The following POC1B variants were observed in gnomAD, a reference collection of about 807,000 sequenced individuals.
The protein encoded by POC1B is POC1 centriolar protein homolog B.
POC1B carries 44 observed loss-of-function variants against 60.6 expected under a neutral mutation model. The observed-to-expected ratio is 0.73, with a 90% CI of 0.57 to 0.93. The LOEUF is 0.93. Ranked by LOEUF, POC1B falls within the 40% of genes least tolerant of loss-of-function variation. The pLI is 0.00. For synonymous variants in POC1B, 180 were observed against 198.9 expected, an observed-to-expected ratio of 0.90 and a Z score of 0.80; for missense variants, 555 against 572.3, an observed-to-expected ratio of 0.97 and a Z score of 0.31.
intron 10 of POC1B, among the ~76,000 whole-genome samples, chr12:89,443,956 T>A (rs1439515501): frequency 1.3e-5 from 2 of 151,962 alleles, no homozygotes; most frequent in Middle Eastern, 3.4e-3. Flanking sequence ...CAAACTACCA[T>A]CAGAAAATAA....
intron 2 of POC1B, chr12:89,524,223 C>T (rs904742193): frequency 1.9e-6 from 3 of 1,613,826 alleles, no homozygotes; most frequent in African/African-American, 1.3e-5. Flanking sequence ...GCAGGGAAAT[C>T]CTGTCACTGA....
At chr12:89,500,898 T>C in intron 2 of POC1B, 1 of 1,037,934 alleles carries the variant, frequency 9.6e-7, no homozygotes. Flanking sequence ...TTCAACATTG[T>C]TTTTAGAAAC....
chr12:89,404,742 C>T, the POC1B span, among the ~76,000 whole-genome samples: 1 of 152,126 alleles, frequency 6.6e-6, no homozygotes, highest in East Asian at 1.9e-4. Context: ...TCACATATAT[C>T]CTTCTAAAAA....
Position 89,454,653 on chromosome 12 carries a change from C to T in POC1B, c.1113+4985G>A, listed in dbSNP as rs79019736. Reference sequence around the variant, plus strand: ...CTTTACTCAAATGCCACCCCTGTCACGTGACTCTTGTCCTGGCCATACTAG... The same window carrying T: ...CTTTACTCAAATGCCACCCCTGTCATGTGACTCTTGTCCTGGCCATACTAG... On this transcript the variant is annotated intron_variant, in intron 10 of 11. Transcript: ENST00000313546. Among the ~76,000 whole-genome samples, 1,116 of 152,288 alleles carry T rather than the reference C, an allele frequency of 7.3e-3. 13 individuals carry two copies. The highest frequency in any genetic ancestry group is 0.025 in the African/African-American group (1,030 of 41,546).
At position 89,496,110 on chromosome 12, in the gene POC1B, C is replaced by T. The variant is rs542770753; in HGVS notation, c.272+1061G>A. 4.6e-5 allele frequency among the ~76,000 whole-genome samples: 7 copies of T among 152,110 alleles called. No homozygotes were observed. The South Asian group carries it at 1.5e-3, about 32-fold the overall frequency. Reference sequence around the variant, plus strand: ...CACTATAATGTAGAATCAATGGAAGCCCTGAGCTTGTTTTTCTGCAACTAG... The same window carrying T: ...CACTATAATGTAGAATCAATGGAAGTCCTGAGCTTGTTTTTCTGCAACTAG... On this transcript the variant is annotated intron_variant, in intron 3 of 11. Transcript: ENST00000313546.
intron 10 of POC1B, among the ~76,000 whole-genome samples, chr12:89,440,057 C>T (rs1881446935): frequency 6.6e-6 from 1 of 152,154 alleles, no homozygotes; most frequent in African/African-American, 2.4e-5. Flanking sequence ...CATGCATCCC[C>T]CATCCCCAGC....
chr12:89,470,686 T>C (rs2120846160), intron 6 of POC1B, among the ~76,000 whole-genome samples, 192 bp from the exon 7 acceptor site: 1 of 152,334 alleles, frequency 6.6e-6, no homozygotes, highest in African/African-American at 2.4e-5. Flanking sequence ...CCAGAATAAC[T>C]TTAAAAATGA....
At chr12:89,473,826 G>T (rs1056739284) in intron 4 of POC1B, among the ~76,000 whole-genome samples, 39 of 151,916 alleles carry the variant, frequency 2.6e-4, no homozygotes, top group Non-Finnish European at 2.1e-4. Context: ...TTATAAAAAG[G>T]CTCCAAACAG....
chr12:89,521,795 C>A, intron 2 of POC1B: 2 of 388,814 alleles, frequency 5.1e-6, no homozygotes, highest in Non-Finnish European at 9.1e-6. Context: ...CCAAGGCAGT[C>A]TTTTTTCCTT....
intron 4 of POC1B, among the ~76,000 whole-genome samples, chr12:89,491,518 A>C (rs1380547848): frequency 6.6e-6 from 1 of 151,338 alleles, no homozygotes; most frequent in Non-Finnish European, 1.5e-5. Flanking sequence ...CCAGCTACTC[A>C]GAGTCTGAGG....
intron 2 of POC1B, among the ~76,000 whole-genome samples, chr12:89,515,674 C>T: frequency 6.6e-6 from 1 of 152,134 alleles, no homozygotes. Flanking sequence ...TTCTGAGGAT[C>T]TTGTCACCAG....
chr12:89,465,686 G>C (rs1383436205), intron 9 of POC1B, among the ~76,000 whole-genome samples: 1 of 152,006 alleles, frequency 6.6e-6, no homozygotes, highest in African/African-American at 2.4e-5. Context: ...GTACAAAGAA[G>C]TGGTAACATG....
At position 89,491,928 on chromosome 12, in the gene POC1B, G is replaced by T. The variant is rs75708189; in HGVS notation, c.452+8C>A. The T allele has an allele frequency of 6.8e-7, 1 of 1,479,402 alleles. No individual in the cohort carries two copies. The allele number at this position is 1,479,402 out of a possible 1,614,324, so 91.6% of individuals were successfully genotyped here. ...TGGACATCTTAATATGAAATTTTTTGCACTTACTTGGCACAGCGTACCCAG... is the reference window on the plus strand; with the variant it reads ...TGGACATCTTAATATGAAATTTTTTTCACTTACTTGGCACAGCGTACCCAG... On this transcript the variant is annotated splice_region_variant and intron_variant, in intron 4 of 11. Coordinates refer to ENST00000313546, the MANE Select transcript of POC1B (RefSeq NM_172240.3).
At chr12:89,487,457 A>G (rs141534873) in intron 4 of POC1B, among the ~76,000 whole-genome samples, 1 of 152,296 alleles carries the variant, frequency 6.6e-6, no homozygotes, top group East Asian at 1.9e-4. Flanking sequence ...CCCAGCTGGA[A>G]GAGAGGTAGT....
chr12:89,447,218 T>C (rs1881826767), intron 10 of POC1B, among the ~76,000 whole-genome samples: 3 of 152,158 alleles, frequency 2.0e-5, no homozygotes, highest in Admixed American at 2.0e-4. Flanking sequence ...ATATACTCAA[T>C]TTAAAAAATG....
chr12:89,450,572 C>G (rs1881999786), intron 10 of POC1B, among the ~76,000 whole-genome samples: 1 of 152,012 alleles, frequency 6.6e-6, no homozygotes, highest in South Asian at 2.1e-4. Context: ...GGAAAATGGG[C>G]AAAGTACACA....
At chr12:89,522,863 T>G (rs1474614578) in intron 2 of POC1B, 1 of 1,604,510 alleles carries the variant, frequency 6.2e-7, no homozygotes, top group Non-Finnish European at 8.5e-7. Context: ...TCACAAGTTC[T>G]CATTTGTACA....
At position 89,525,149 on chromosome 12, in the gene POC1B, A is replaced by T; in HGVS notation, c.71T>A (p.Leu24Ter). ...TTGCTTGCCGTTGGGGCTGAGGTCC[A>T]AGGAGGTGATCGCAGCTTTGTGGCC... The part of the protein sequence containing the change: ...FKGHKAAITS[L>*]DLSPNGKQLA... The change falls in exon 2 of 12, where the codon TTG (leucine) becomes TAG (stop). Residue 24 changes from leucine to a stop codon, truncating the protein, a stop_gained. Transcript: ENST00000313546. LOFTEE classifies it high-confidence loss of function. The T allele has an allele frequency of 6.2e-7, 1 of 1,614,060 alleles. No homozygotes were observed. Among genetic ancestry groups the T allele is most frequent in the Admixed American group, 1.7e-5 (1 of 60,026 alleles).
chr12:89,437,911 G>T (rs1450990404), intron 10 of POC1B, among the ~76,000 whole-genome samples: 1 of 151,824 alleles, frequency 6.6e-6, no homozygotes, highest in African/African-American at 2.4e-5. Flanking sequence ...AGCAGGGAGT[G>T]TTGGTGTGGC....
Sources: allele counts gnomAD v4.1 joint callset (sites outside exome capture counted in the v4.1 genomes callset), GRCh38; gene constraint gnomAD v4.1.1; transcripts MANE v1.5; gene names NCBI Gene and HGNC (gene_info 2026-07-23, HGNC 2026-07-21).